The following SCN8A variants were observed in gnomAD, a reference collection of about 807,000 sequenced individuals.
The protein encoded by SCN8A is sodium channel protein type 8 subunit alpha.
A neutral mutation model predicts 184.1 loss-of-function variants in SCN8A; 30 were observed. The observed-to-expected ratio is 0.16, with a 90% CI of 0.12 to 0.22. The LOEUF (loss-of-function observed/expected upper bound fraction) is 0.22. SCN8A is among the 10% of genes least tolerant of loss of function. SCN8A has a pLI of 1.00. For missense variants in SCN8A, 1,057 were observed against 2,498.9 expected, an observed-to-expected ratio of 0.42 and a Z score of 12.30; for synonymous variants, 852 against 907.0, an observed-to-expected ratio of 0.94 and a Z score of 1.09.
intron 2 of SCN8A, among the ~76,000 whole-genome samples, chr12:51,676,584 A>G (rs1941226646): frequency 6.6e-6 from 1 of 152,226 alleles, no homozygotes. Flanking sequence ...AAAGAGGTGC[A>G]TAGGCCTGGG....
At position 51,809,885 on chromosome 12, in the gene SCN8A, A is replaced by C. The variant is rs929035703; in HGVS notation, c.*2456A>C. 1.3e-5 allele frequency: 2 copies of C among 152,218 alleles called. No homozygotes were observed. The highest frequency in any genetic ancestry group is 4.8e-5 in the African/African-American group (2 of 41,454). 9.4% of individuals were successfully genotyped at this position (152,218 alleles called of 1,614,324 possible). A position where few individuals can be genotyped will look rare whatever the true frequency, so the allele number is the denominator to read the frequency against. On this transcript the variant is annotated 3_prime_UTR_variant, in exon 27 of 27. Coordinates refer to ENST00000627620, the MANE Select transcript of SCN8A (RefSeq NM_001330260.2). ...ATCCCCAAACCAGACAGACAGACAAAAAATTTTTTATTGCTAATGGTCTTT... is the reference window on the plus strand; with the variant it reads ...ATCCCCAAACCAGACAGACAGACAACAAATTTTTTATTGCTAATGGTCTTT...
chr12:51,679,093 T>TAAAA lies in SCN8A; in HGVS notation c.277-5075_277-5072dup, dbSNP rs58620372. 1.1e-3 allele frequency among the ~76,000 whole-genome samples: 165 copies of TAAAA among 149,702 alleles called. 4 individuals carry two copies. In the East Asian group the frequency reaches 0.016, roughly 15 times the overall value. ...TCCGTCTCCAAAAAAAATAAAAAAA[T>TAAAA]AAAAAAAAATAAAGCTACTCACCCC... On this transcript the variant is annotated intron_variant, in intron 2 of 26. Coordinates refer to ENST00000627620, the MANE Select transcript of SCN8A (RefSeq NM_001330260.2).
intron 1 of SCN8A, among the ~76,000 whole-genome samples, chr12:51,626,302 C>T (rs766152195): frequency 3.9e-5 from 6 of 152,022 alleles, no homozygotes; most frequent in African/African-American, 9.7e-5. Context: ...CTTTGGCTCT[C>T]GGGAGGTTTA....
At chr12:51,774,530 G>T (rs1239774041) in intron 20 of SCN8A, among the ~76,000 whole-genome samples, 168 bp downstream of exon 20, 1 of 152,182 alleles carries the variant, frequency 6.6e-6, no homozygotes, top group Non-Finnish European at 1.5e-5. Flanking sequence ...ATATTAGGAA[G>T]GGGAACTCTG....
chr12:51,757,034 A>G (rs923583049), intron 14 of SCN8A, among the ~76,000 whole-genome samples: 1 of 152,212 alleles, frequency 6.6e-6, no homozygotes, highest in Non-Finnish European at 1.5e-5. Context: ...GTGCTTCTAT[A>G]GCCCCATATG....
At chr12:51,704,088 C>T (rs1048709455) in intron 9 of SCN8A, among the ~76,000 whole-genome samples, 1 of 151,688 alleles carries the variant, frequency 6.6e-6, no homozygotes. Context: ...GACGGGGTTT[C>T]ACCATGTTGG....
intron 2 of SCN8A, among the ~76,000 whole-genome samples, chr12:51,670,761 T>C (rs189355552): frequency 2.6e-5 from 4 of 152,104 alleles, no homozygotes; most frequent in Admixed American, 2.6e-4. Flanking sequence ...ATTAAGGGGA[T>C]TGGATGAATT....
chr12:51,713,632 A>G (rs892625393), intron 11 of SCN8A: 48 of 618,284 alleles, frequency 7.8e-5, no homozygotes, highest in Non-Finnish European at 1.4e-4. Flanking sequence ...TTCTTGAGAC[A>G]TCTCCTGCTC....
intron 11 of SCN8A, among the ~76,000 whole-genome samples, chr12:51,708,817 A>C (rs1157015359): frequency 6.6e-6 from 1 of 152,194 alleles, no homozygotes; most frequent in South Asian, 2.1e-4. Context: ...CCTAAAATGT[A>C]GTTCTCATCA....
At chr12:51,691,419 G>T (rs1033625028) in intron 6 of SCN8A, among the ~76,000 whole-genome samples, 2 of 151,764 alleles carry the variant, frequency 1.3e-5, no homozygotes, top group African/African-American at 2.4e-5. Context: ...TCCTTAATAT[G>T]TCATGTTATT....
intron 11 of SCN8A, among the ~76,000 whole-genome samples, chr12:51,721,150 T>A (rs1375613367): frequency 6.9e-6 from 1 of 144,454 alleles, no homozygotes; most frequent in South Asian, 2.1e-4. Flanking sequence ...TTTATTGTTA[T>A]ATATATGATA....
At chr12:51,697,931 C>T (rs539580322) in intron 6 of SCN8A, among the ~76,000 whole-genome samples, 35 of 152,312 alleles carry the variant, frequency 2.3e-4, no homozygotes, top group African/African-American at 6.0e-4. Context: ...TCACTGGAAC[C>T]TCCACCCCCG....
Position 51,762,496 on chromosome 12 carries a change from T to C in SCN8A, c.2371-7T>C. On this transcript the variant is annotated splice_region_variant and splice_polypyrimidine_tract_variant and intron_variant, in intron 14 of 26. Coordinates refer to ENST00000627620, the MANE Select transcript of SCN8A (RefSeq NM_001330260.2). ...ATTTTTCTTACCCCCTGCATCCCCCTATTTAGGTTTTCACTGGAATTTTCA... is the reference window on the plus strand; with the variant it reads ...ATTTTTCTTACCCCCTGCATCCCCCCATTTAGGTTTTCACTGGAATTTTCA... 1 of 1,612,868 alleles carries C rather than the reference T, an allele frequency of 6.2e-7. No homozygotes were observed. The highest frequency in any genetic ancestry group is 1.1e-5 in the South Asian group (1 of 90,916).
At chr12:51,791,621 T>C (rs1354027807) in intron 25 of SCN8A, among the ~76,000 whole-genome samples, 1 of 152,236 alleles carries the variant, frequency 6.6e-6, no homozygotes, top group African/African-American at 2.4e-5. Context: ...AAGTTCTGTT[T>C]AGTACTTTCC....
At chr12:51,759,980 C>T (rs987963531) in intron 14 of SCN8A, among the ~76,000 whole-genome samples, 3 of 152,146 alleles carry the variant, frequency 2.0e-5, no homozygotes, top group Admixed American at 1.3e-4. Flanking sequence ...TATCACAAAG[C>T]CCACTATTGA....
At chr12:51,747,089 ATGTGTG>A (rs60490453) in intron 13 of SCN8A, among the ~76,000 whole-genome samples, 41 of 81,324 alleles carry the variant, frequency 5.0e-4, no homozygotes, top group African/African-American at 1.4e-3. Context: ...CTCTGTGTGT[ATGTGTG>A]TGTGTGTGTG....
chr12:51,722,176 C>T (rs2138784134), intron 12 of SCN8A: 2 of 566,822 alleles, frequency 3.5e-6, no homozygotes, highest in Non-Finnish European at 6.2e-6. Context: ...CCCCATCTTC[C>T]CTCCTTGTTT....
At chr12:51,608,583 A>G (rs1048614756) in intron 1 of SCN8A, among the ~76,000 whole-genome samples, 3 of 152,058 alleles carry the variant, frequency 2.0e-5, no homozygotes, top group African/African-American at 4.8e-5. Flanking sequence ...ATCAGTTGTA[A>G]TACCTCCAGT....
chr12:51,651,454 C>T (rs1007471564), intron 1 of SCN8A, among the ~76,000 whole-genome samples: 2 of 152,230 alleles, frequency 1.3e-5, no homozygotes, highest in East Asian at 1.9e-4. Context: ...CCATCCACCT[C>T]GGCCTCCCAA....
Sources: gnomAD v4.1 joint callset for allele counts (sites outside exome capture counted in the v4.1 genomes callset) on GRCh38, gnomAD v4.1.1 for gene constraint, MANE v1.5 for transcripts, NCBI Gene and HGNC (gene_info 2026-07-23, HGNC 2026-07-21) for gene names.